The following MALRD1 variants were observed in gnomAD, a reference collection of about 807,000 sequenced individuals.
The protein encoded by MALRD1 is MAM and LDL-receptor class A domain-containing protein 1.
In MALRD1, 247 loss-of-function variants were observed where a neutral mutation model predicts 242.1. That is an observed-to-expected ratio of 1.02 (90% confidence interval 0.92 to 1.13). MALRD1 has a LOEUF of 1.13. Ranked by LOEUF, MALRD1 falls within the 50% of genes most tolerant of loss-of-function variation. The pLI is 0.00. For missense variants in MALRD1, 2,989 were observed against 2,533.1 expected (o/e 1.18, Z -3.86); for synonymous variants, 995 against 866.6 (o/e 1.15, Z -2.60).
Position 19,582,447 on chromosome 10 carries a change from C to T in MALRD1, c.5681-12747C>T, listed in dbSNP as rs1326173741. On this transcript the variant is annotated intron_variant, in intron 33 of 39. Coordinates refer to ENST00000454679, the MANE Select transcript of MALRD1 (RefSeq NM_001142308.3). Reference sequence around the variant, plus strand: ...GTTTCAGCTTTCTACATATGGCTAGCCAGTTTTCCCAGCACCATTTATTAA... The same window carrying T: ...GTTTCAGCTTTCTACATATGGCTAGTCAGTTTTCCCAGCACCATTTATTAA... Among the ~76,000 whole-genome samples the T allele has an allele frequency of 2.1e-5, 3 of 144,244 alleles. No individual in the cohort carries two copies. In the South Asian group the frequency reaches 6.7e-4, roughly 32 times the overall value. The allele number at this position is 144,244 out of a possible 152,430, so 94.6% of individuals were successfully genotyped here.
Position 19,387,598 on chromosome 10 carries a change from C to T in MALRD1, c.4512C>T (p.Phe1504=), listed in dbSNP as rs1433882411. ...ATAGGCTGGAACAAAGCTGTAACTT[C>T]GTAGATAACTGTGGAGATAATACTG... ...KCYRLEQSCN[F]VDNCGDNTDE... Residue 1504 remains phenylalanine (F), a synonymous_variant, in exon 27 of 40, where the codon TTC becomes TTT. Coordinates refer to ENST00000454679, the MANE Select transcript of MALRD1 (RefSeq NM_001142308.3). 1.5e-5 allele frequency: 24 copies of T among 1,550,298 alleles called. No individual in the cohort carries two copies. The highest frequency in any genetic ancestry group is 1.7e-4 in the Middle Eastern group (1 of 5,996).
chr10:19,171,121 C>T lies in MALRD1; in HGVS notation c.1831-4087C>T, dbSNP rs74118815. 5.9e-3 allele frequency among the ~76,000 whole-genome samples: 889 copies of T among 151,842 alleles called. 10 individuals carry two copies. The highest frequency in any genetic ancestry group is 0.02 in the African/African-American group (849 of 41,424). The stretch of plus-strand genomic sequence containing the variant: ...TAAAAAGTAATCACTTGATTATGAA[C>T]ATTTATGAATTTTTGTGGTTCCTAA... On this transcript the variant is annotated intron_variant, in intron 13 of 39. Transcript: ENST00000454679.
chr10:19,594,300 C>T (rs1389508364), intron 33 of MALRD1, among the ~76,000 whole-genome samples: 1 of 152,048 alleles, frequency 6.6e-6, no homozygotes, highest in Non-Finnish European at 1.5e-5. Context: ...AAATATTGTA[C>T]TGATAAGAAT....
chr10:19,311,002 A>C (rs1203297110), intron 21 of MALRD1, among the ~76,000 whole-genome samples: 1 of 151,536 alleles, frequency 6.6e-6, no homozygotes, highest in Non-Finnish European at 1.5e-5. Context: ...GGCCATGAGA[A>C]GAGAAGGATA....
At chr10:19,353,798 A>G (rs921613091) in intron 26 of MALRD1, among the ~76,000 whole-genome samples, 8 of 152,178 alleles carry the variant, frequency 5.3e-5, no homozygotes, top group African/African-American at 1.9e-4. Context: ...TTTGAAGAGT[A>G]ATTATTTGAT....
intron 11 of MALRD1, among the ~76,000 whole-genome samples, chr10:19,147,207 T>C (rs1175554095): frequency 1.3e-5 from 2 of 152,168 alleles, no homozygotes; most frequent in African/African-American, 4.8e-5. Context: ...TCTTTCAACC[T>C]CATTGAACAT....
At chr10:19,236,121 A>C (rs1411617135) in intron 18 of MALRD1, among the ~76,000 whole-genome samples, 1 of 152,158 alleles carries the variant, frequency 6.6e-6, no homozygotes, top group African/African-American at 2.4e-5. Flanking sequence ...TTTATGAATA[A>C]AAAAAATTAT....
rs201993300 is a variant in MALRD1, at chr10:19,227,294, T to TA, written c.2991+17615dup. ...TGAACTTACTGGCATGAAGAAGACA[T>TA]ATATATCAGTGAAACAGAGTAAATA... is the stretch of plus-strand genomic sequence containing the variant. On this transcript the variant is annotated intron_variant, in intron 18 of 39. Coordinates refer to ENST00000454679, the MANE Select transcript of MALRD1 (RefSeq NM_001142308.3). 8.1e-3 allele frequency among the ~76,000 whole-genome samples: 1,228 copies of TA among 152,204 alleles called. 18 individuals are homozygous for TA. Among genetic ancestry groups the TA allele is most frequent in the African/African-American group, 0.028 (1,173 of 41,528 alleles).
chr10:19,252,768 C>A (rs933477600), intron 18 of MALRD1, among the ~76,000 whole-genome samples: 1 of 151,956 alleles, frequency 6.6e-6, no homozygotes, highest in East Asian at 1.9e-4. Flanking sequence ...AATTGAAAAA[C>A]TCCAATTATT....
At chr10:19,683,194 C>G (rs1439704193) in intron 36 of MALRD1, among the ~76,000 whole-genome samples, 1 of 151,810 alleles carries the variant, frequency 6.6e-6, no homozygotes, top group Non-Finnish European at 1.5e-5. Flanking sequence ...AAAACAGAAA[C>G]TATGGCAGTC....
chr10:19,307,054 C>A (rs1842243715), intron 21 of MALRD1, among the ~76,000 whole-genome samples: 2 of 151,370 alleles, frequency 1.3e-5, no homozygotes, highest in South Asian at 4.1e-4. Context: ...ATGACAGAGA[C>A]CTTGGAATTG....
At chr10:19,386,715 T>TAC (rs1846092007) in intron 26 of MALRD1, among the ~76,000 whole-genome samples, 1 of 61,302 alleles carries the variant, frequency 1.6e-5, no homozygotes, top group Non-Finnish European at 3.3e-5. Context: ...CAAATACATA[T>TAC]ACATATACAC....
intron 4 of MALRD1, among the ~76,000 whole-genome samples, chr10:19,088,536 CTTTTT>C (rs748953378): frequency 2.6e-3 from 284 of 110,018 alleles, no homozygotes; most frequent in East Asian, 0.015. Context: ...CTCTTTCTTT[CTTTTT>C]TTTTTTTTTT....
At chr10:19,655,972 A>G (rs1430593671) in intron 36 of MALRD1, among the ~76,000 whole-genome samples, 1 of 152,126 alleles carries the variant, frequency 6.6e-6, no homozygotes, top group African/African-American at 2.4e-5. Context: ...TGGACATGTT[A>G]ATCACATTCT....
At chr10:19,312,400 A>ATATATATATATATATGTG (rs1491220851) in intron 21 of MALRD1, among the ~76,000 whole-genome samples, 1 of 143,596 alleles carries the variant, frequency 7.0e-6, no homozygotes, top group Non-Finnish European at 1.5e-5. Flanking sequence ...ATATATATAT[A>ATATATATATATATATGTG]TGTGTATATG....
At chr10:19,461,538 T>C (rs567777135) in intron 29 of MALRD1, among the ~76,000 whole-genome samples, 1 of 152,142 alleles carries the variant, frequency 6.6e-6, no homozygotes, top group South Asian at 2.1e-4. Context: ...CAGGAAGATA[T>C]GGAAATCAAA....
rs548952204 is a variant in MALRD1, at chr10:19,583,999, A to T, written c.5681-11195A>T. 3.0e-3 allele frequency among the ~76,000 whole-genome samples: 452 copies of T among 152,088 alleles called. 1 individual carries two copies. The highest frequency in any genetic ancestry group is 0.01 in the African/African-American group (434 of 41,470). On this transcript the variant is annotated intron_variant, in intron 33 of 39. Transcript: ENST00000454679. ...TTTATGCATTTCTTCTAGATTTTCT[A>T]GTTTATTTGTGTAGAGGCGTTTGTA... is the stretch of plus-strand genomic sequence containing the variant.
chr10:19,145,684 A>C (rs1207562709), intron 10 of MALRD1, among the ~76,000 whole-genome samples: 1 of 151,018 alleles, frequency 6.6e-6, no homozygotes, highest in Non-Finnish European at 1.5e-5. Flanking sequence ...AAAAGATAAC[A>C]CCAGCTCAGT....
intron 30 of MALRD1, among the ~76,000 whole-genome samples, chr10:19,491,920 C>T (rs1837510583): frequency 1.3e-5 from 2 of 151,828 alleles, no homozygotes; most frequent in South Asian, 2.1e-4. Flanking sequence ...TAATTAGGCA[C>T]ACTGTGTGTA....
Sources: gnomAD v4.1 joint callset for allele counts (sites outside exome capture counted in the v4.1 genomes callset) on GRCh38, gnomAD v4.1.1 for gene constraint, MANE v1.5 for transcripts, NCBI Gene and HGNC (gene_info 2026-07-23, HGNC 2026-07-21) for gene names.